Variants in PTH2R observed in about 807,000 individuals in gnomAD.
PTH2R encodes parathyroid hormone 2 receptor, also known as PTH2 receptor.
PTH2R carries 59 observed loss-of-function variants against 60.3 expected under a neutral mutation model. The observed-to-expected ratio is 0.98, with a 90% CI of 0.79 to 1.22. The LOEUF is 1.22. Ranked by LOEUF, PTH2R falls within the 50% of genes most tolerant of loss-of-function variation. PTH2R has a pLI of 0.00. For synonymous variants in PTH2R, 256 were observed against 243.8 expected (o/e 1.05, Z -0.47); for missense variants, 749 against 682.6 (o/e 1.10, Z -1.08).
At chr2:208,398,402 ATGGT>A (rs976972095) in intron 1 of PTH2R, among the ~76,000 whole-genome samples, 18 of 152,330 alleles carry the variant, frequency 1.2e-4, no homozygotes, top group African/African-American at 3.6e-4. Flanking sequence ...GTTTATGGTA[ATGGT>A]TGGTTGGAAG....
intron 11 of PTH2R, among the ~76,000 whole-genome samples, chr2:208,490,286 T>G (rs984636783): frequency 2.0e-5 from 3 of 152,146 alleles, no homozygotes; most frequent in Admixed American, 1.3e-4. Flanking sequence ...TACTTTATGT[T>G]TGTAGTTTTC....
chr2:208,445,828 T>C (rs1182403127), intron 7 of PTH2R, among the ~76,000 whole-genome samples: 1 of 152,206 alleles, frequency 6.6e-6, no homozygotes, highest in Non-Finnish European at 1.5e-5. Context: ...AGAAAATCAA[T>C]TTACTGTTAA....
At chr2:208,394,179 G>A (rs1701161870) in intron 1 of PTH2R, among the ~76,000 whole-genome samples, 1 of 152,170 alleles carries the variant, frequency 6.6e-6, no homozygotes, top group Non-Finnish European at 1.5e-5. Flanking sequence ...TAAAATCAAG[G>A]CTCCCCACTA....
intron 1 of PTH2R, among the ~76,000 whole-genome samples, chr2:208,421,340 G>A (rs1701751438): frequency 6.6e-6 from 1 of 151,726 alleles, no homozygotes; most frequent in South Asian, 2.1e-4. Flanking sequence ...AAAAACTTAA[G>A]AAGCCAAGAC....
At chr2:208,477,961 C>CTAG (rs1559231922) in intron 9 of PTH2R, among the ~76,000 whole-genome samples, 2 of 25,128 alleles carry the variant, frequency 8.0e-5, no homozygotes, top group African/African-American at 1.5e-4. Context: ...AGCACTACTA[C>CTAG]TAGTACTAGT....
chr2:208,487,296 C>A (rs1424056153), intron 10 of PTH2R, among the ~76,000 whole-genome samples: 1 of 152,144 alleles, frequency 6.6e-6, no homozygotes, highest in African/African-American at 2.4e-5. Context: ...ATCTCTGTAG[C>A]CTTAGTCTAG....
intron 1 of PTH2R, among the ~76,000 whole-genome samples, chr2:208,378,845 A>C (rs1334115995): frequency 1.3e-5 from 2 of 152,110 alleles, no homozygotes; most frequent in African/African-American, 4.8e-5. Flanking sequence ...TGAGTTATAC[A>C]TTGGGCAAGT....
rs960527455 is a variant in PTH2R, at chr2:208,437,876, G to A, written c.406G>A (p.Gly136Arg). ...CTTTCTGCAGCCAGATATCAGCATAGGAAAGGTAATGGAATTTCTCTATTT... is the reference window on the plus strand; with the variant it reads ...CTTTCTGCAGCCAGATATCAGCATAAGAAAGGTAATGGAATTTCTCTATTT... ...LRFLQPDISI[G>R]KQEFFERLYV... Residue 136 changes from glycine (G) to arginine (R), a missense_variant, in exon 4 of 13, where the codon GGA (glycine) becomes AGA (arginine). Gly to Arg is a moderately radical substitution (Grantham distance 125). Transcript: ENST00000272847. 5.0e-6 allele frequency: 8 copies of A among 1,611,506 alleles called. No individual in the cohort carries two copies. Among genetic ancestry groups the A allele is most frequent in the Non-Finnish European group, 6.8e-6 (8 of 1,177,922 alleles).
intron 1 of PTH2R, among the ~76,000 whole-genome samples, chr2:208,414,884 T>C (rs1701608794): frequency 6.6e-6 from 1 of 152,058 alleles, no homozygotes. Context: ...ATTGGCCCAG[T>C]TCCATAATGA....
intron 4 of PTH2R, among the ~76,000 whole-genome samples, chr2:208,441,370 C>T (rs1488775726): frequency 6.6e-6 from 1 of 152,162 alleles, no homozygotes; most frequent in Non-Finnish European, 1.5e-5. Context: ...TCTGGTTCAC[C>T]TTCCTGCAAG....
chr2:208,481,219 CTTT>C (rs34570534), intron 10 of PTH2R, 55 bp downstream of exon 10: 30,857 of 807,794 alleles, frequency 0.038, no homozygotes, highest in South Asian at 0.048. Context: ...TATTTCTTTC[CTTT>C]TTTTTTTTTT....
chr2:208,416,873 G>T (rs1398806975), intron 1 of PTH2R, among the ~76,000 whole-genome samples: 1 of 152,144 alleles, frequency 6.6e-6, no homozygotes, highest in African/African-American at 2.4e-5. Context: ...CTTCAGTTTT[G>T]GAACTCAGAC....
chr2:208,439,955 C>T (rs1438480012), intron 4 of PTH2R, among the ~76,000 whole-genome samples: 2 of 152,042 alleles, frequency 1.3e-5, no homozygotes, highest in East Asian at 1.9e-4. Flanking sequence ...AATGTTTCAA[C>T]GAGTTTAAAT....
chr2:208,427,649 A>C (rs61193569), intron 1 of PTH2R, among the ~76,000 whole-genome samples: 6 of 152,136 alleles, frequency 3.9e-5, no homozygotes, highest in Admixed American at 2.0e-4. Flanking sequence ...ACTGTGAAAC[A>C]AATTAATGTT....
intron 8 of PTH2R, among the ~76,000 whole-genome samples, chr2:208,458,517 G>A (rs899893973): frequency 1.3e-5 from 2 of 151,998 alleles, no homozygotes; most frequent in Non-Finnish European, 2.9e-5. Context: ...GTGTCACAGA[G>A]GTTTGTTGTA....
chr2:208,402,142 A>G (rs969627170), upstream of PTH2R, among the ~76,000 whole-genome samples: 3 of 152,116 alleles, frequency 2.0e-5, no homozygotes, highest in Non-Finnish European at 2.9e-5. Flanking sequence ...TGCACATTAT[A>G]TAAGTCACCC....
intron 12 of PTH2R, among the ~76,000 whole-genome samples, chr2:208,492,716 C>T (rs539583577): frequency 1.3e-5 from 2 of 152,190 alleles, no homozygotes; most frequent in East Asian, 1.9e-4. Context: ...AGTCATGGGC[C>T]TATCATCAGG....
At chr2:208,403,977 C>T (rs1240145617), upstream of PTH2R, among the ~76,000 whole-genome samples, 2 of 152,134 alleles carry the variant, frequency 1.3e-5, no homozygotes, top group Admixed American at 6.5e-5. Flanking sequence ...AGTTTATTTC[C>T]ACTATATTCT....
intron 10 of PTH2R, among the ~76,000 whole-genome samples, chr2:208,488,780 G>A (rs1360779382): frequency 6.6e-6 from 1 of 152,210 alleles, no homozygotes; most frequent in Non-Finnish European, 1.5e-5. Context: ...GGGATGCTGA[G>A]ACAGGAGGAT....
Sources: gnomAD v4.1 joint callset for allele counts (sites outside exome capture counted in the v4.1 genomes callset) on GRCh38, gnomAD v4.1.1 for gene constraint, MANE v1.5 for transcripts, NCBI Gene and HGNC (gene_info 2026-07-23, HGNC 2026-07-21) for gene names.